Variants in ATP9A observed in about 807,000 individuals in gnomAD.
ATP9A encodes ATPase phospholipid transporting 9A.
Under a neutral mutation model 144.1 loss-of-function variants are expected in ATP9A, and 52 were observed. The ratio of observed to expected loss-of-function variants is 0.36; its 90% CI spans 0.29 to 0.45. ATP9A has a LOEUF of 0.45. Ranked by LOEUF, ATP9A falls within the 20% of genes least tolerant of loss-of-function variation. ATP9A has a pLI of 1.00. For synonymous variants in ATP9A, 582 were observed against 557.4 expected (o/e 1.04, Z -0.62); for missense variants, 947 against 1,392.7 (o/e 0.68, Z 5.09).
At position 51,601,316 on chromosome 20, in the gene ATP9A, C is replaced by T. The variant is rs755180836; in HGVS notation, c.3039G>A (p.Leu1013=). 4 of 1,613,200 alleles carry T rather than the reference C, an allele frequency of 2.5e-6. No homozygotes were observed. The highest frequency in any genetic ancestry group is 3.3e-5 in the Admixed American group (2 of 59,860). ...CCAGAGTGATGACGGAGACTTTCCA[C>T]AAGAATGACAAGGTGGCGATGAAGT... is the stretch of plus-strand genomic sequence containing the variant. The part of the protein sequence containing the change: ...DVYFIATLSF[L]WKVSVITLVS... The change falls in exon 28 of 28, where the codon TTG becomes TTA. Residue 1013 remains leucine (L), a synonymous_variant. Transcript: ENST00000338821.
In ATP9A at chr20:51,607,705, A is replaced by C. The variant is rs543740283; in HGVS notation, c.2746-121T>G. On this transcript the variant is annotated intron_variant, in intron 25 of 27. Transcript: ENST00000338821. ...GGCAACCCATCTGTCTTCATCAATAAAGTGGCTCGCACACATCTGAACACA... is the reference window on the plus strand; with the variant it reads ...GGCAACCCATCTGTCTTCATCAATACAGTGGCTCGCACACATCTGAACACA... The C allele has an allele frequency of 1.6e-4, 121 of 733,940 alleles. No individual in the cohort carries two copies. The South Asian group carries it at 1.7e-3, about 10-fold the overall frequency. 45.5% of individuals were successfully genotyped at this position (733,940 alleles called of 1,614,324 possible). A position where few individuals can be genotyped will look rare whatever the true frequency, so the allele number is the denominator to read the frequency against.
At chr20:51,765,828 G>A (rs752037899) in intron 1 of ATP9A, among the ~76,000 whole-genome samples, 22 of 151,876 alleles carry the variant, frequency 1.4e-4, no homozygotes, top group Admixed American at 3.3e-4. Context: ...GTGGTAGTGG[G>A]CACCTGTAAT....
intron 1 of ATP9A, among the ~76,000 whole-genome samples, chr20:51,747,106 T>G (rs1225895558): frequency 6.6e-6 from 1 of 151,462 alleles, no homozygotes; most frequent in African/African-American, 2.4e-5. Context: ...TCGTTTTTTT[T>G]TTTTTTTTTC....
At chr20:51,766,665 C>T (rs538145093) in intron 1 of ATP9A, among the ~76,000 whole-genome samples, 1 of 152,090 alleles carries the variant, frequency 6.6e-6, no homozygotes, top group Admixed American at 6.5e-5. Context: ...GATGGTGAAA[C>T]CCCCGTCTCT....
rs1187409985 is a variant in ATP9A at position 51,600,079 on chromosome 20, A to G, written c.*1132T>C. 1 of 152,204 alleles carries G rather than the reference A, an allele frequency of 6.6e-6. No homozygotes were observed. The highest frequency in any genetic ancestry group is 1.5e-5 in the Non-Finnish European group (1 of 68,036). 9.4% of individuals were successfully genotyped at this position (152,204 alleles called of 1,614,324 possible). A position where few individuals can be genotyped will look rare whatever the true frequency, so the allele number is the denominator to read the frequency against. ...CAAGTTCCCCTTGAAATCTGCCGGC[A>G]GTGGAACAGATCCCAGATCCCAACG... On this transcript the variant is annotated 3_prime_UTR_variant, in exon 28 of 28. Coordinates refer to ENST00000338821, the MANE Select transcript of ATP9A (RefSeq NM_006045.3).
intron 13 of ATP9A, among the ~76,000 whole-genome samples, chr20:51,668,103 G>A (rs1416298143): frequency 1.9e-3 from 23 of 12,352 alleles, no homozygotes; most frequent in African/African-American, 3.6e-3. Flanking sequence ...GGGGGGGGGC[G>A]GAAGGGCTGG....
chr20:51,652,933 C>G (rs181875965), intron 14 of ATP9A, among the ~76,000 whole-genome samples: 1 of 151,880 alleles, frequency 6.6e-6, no homozygotes, highest in Non-Finnish European at 1.5e-5. Flanking sequence ...ACGGTGAAAC[C>G]CCATCTCTAC....
At chr20:51,747,210 C>T (rs1049246820) in intron 1 of ATP9A, among the ~76,000 whole-genome samples, 5 of 151,124 alleles carry the variant, frequency 3.3e-5, no homozygotes, top group Non-Finnish European at 7.4e-5. Context: ...CACAGAAATG[C>T]TACTGTCTGG....
intron 1 of ATP9A, among the ~76,000 whole-genome samples, chr20:51,733,290 G>GAAAT (rs1481801487): frequency 1.3e-5 from 2 of 152,052 alleles, no homozygotes; most frequent in Admixed American, 1.3e-4. Context: ...TACAAACAAG[G>GAAAT]AAATGTATTG....
At chr20:51,720,410 T>C (rs1378225159) in intron 3 of ATP9A, among the ~76,000 whole-genome samples, 1 of 152,174 alleles carries the variant, frequency 6.6e-6, no homozygotes, top group African/African-American at 2.4e-5. Flanking sequence ...AGTTTGTAAC[T>C]CTTGGGTCTG....
chr20:51,685,724 C>T (rs1011279046), intron 9 of ATP9A, among the ~76,000 whole-genome samples: 4 of 152,102 alleles, frequency 2.6e-5, no homozygotes, highest in African/African-American at 7.2e-5. Flanking sequence ...CAGCAGGTGA[C>T]GGAGAGGATG....
In ATP9A at chr20:51,767,694, G is replaced by A. The variant is rs920592326; in HGVS notation, c.68+608C>T. Among the ~76,000 whole-genome samples, 12 of 152,256 alleles carry A rather than the reference G, an allele frequency of 7.9e-5. 1 individual carries two copies. The highest frequency in any genetic ancestry group is 2.9e-4 in the African/African-American group (12 of 41,560). Reference sequence around the variant, plus strand: ...ACACAAGGGGTAGTGTCACCAAGCGGCCAGTAGGAGACCCTCCCACCCTCC... The same window carrying A: ...ACACAAGGGGTAGTGTCACCAAGCGACCAGTAGGAGACCCTCCCACCCTCC... On this transcript the variant is annotated intron_variant, in intron 1 of 27. Coordinates refer to ENST00000338821, the MANE Select transcript of ATP9A (RefSeq NM_006045.3).
At chr20:51,660,486 A>G (rs1292658293) in intron 13 of ATP9A, among the ~76,000 whole-genome samples, 1 of 152,228 alleles carries the variant, frequency 6.6e-6, no homozygotes, top group African/African-American at 2.4e-5. Context: ...ATGAATTAGA[A>G]GACTACTATG....
At chr20:51,626,548 C>T (rs2077249448) in intron 17 of ATP9A, among the ~76,000 whole-genome samples, 1 of 149,642 alleles carries the variant, frequency 6.7e-6, no homozygotes, top group South Asian at 2.1e-4. Flanking sequence ...CGGTGGCTCA[C>T]ACTTGTAATC....
chr20:51,678,080 C>T (rs370176701), intron 9 of ATP9A, among the ~76,000 whole-genome samples: 1 of 141,256 alleles, frequency 7.1e-6, no homozygotes, highest in Non-Finnish European at 1.5e-5. Flanking sequence ...GAGTGAGTGG[C>T]GCTAGGCTGA....
At chr20:51,651,925 C>G (rs547344015) in intron 14 of ATP9A, among the ~76,000 whole-genome samples, 16 of 150,834 alleles carry the variant, frequency 1.1e-4, no homozygotes, top group African/African-American at 4.0e-4. Context: ...TCAAAAGCGC[C>G]TGGCCAAAAA....
chr20:51,639,664 G>A (rs2077310504), intron 14 of ATP9A, among the ~76,000 whole-genome samples, 160 bp from the exon 15 acceptor site: 1 of 152,204 alleles, frequency 6.6e-6, no homozygotes, highest in African/African-American at 2.4e-5. Flanking sequence ...CCATGACAGT[G>A]TCTGTTCCTC....
At chr20:51,668,635 G>C (rs1402810735) in intron 13 of ATP9A, among the ~76,000 whole-genome samples, 1 of 152,130 alleles carries the variant, frequency 6.6e-6, no homozygotes, top group Admixed American at 6.5e-5. Context: ...TCCCTGTCCA[G>C]GGAAGTTCCT....
At chr20:51,732,824 G>C (rs1304006020) in intron 1 of ATP9A, among the ~76,000 whole-genome samples, 3 of 151,952 alleles carry the variant, frequency 2.0e-5, no homozygotes, top group Non-Finnish European at 4.4e-5. Flanking sequence ...AGAGGAAAAG[G>C]ATGGGAGAAA....
Sources: allele counts gnomAD v4.1 joint callset (sites outside exome capture counted in the v4.1 genomes callset), GRCh38; gene constraint gnomAD v4.1.1; transcripts MANE v1.5; gene names NCBI Gene and HGNC (gene_info 2026-07-23, HGNC 2026-07-21).